CD9: variants seen among roughly 807,000 people sequenced by gnomAD.
The protein encoded by CD9 is CD9 molecule.
In CD9, 10 loss-of-function variants were observed where a neutral mutation model predicts 31.4. The observed-to-expected ratio is 0.32, with a 90% CI of 0.20 to 0.54. CD9 has a LOEUF of 0.54. CD9 is among the 20% of genes least tolerant of loss of function. CD9 has a pLI of 0.94. For synonymous variants in CD9, 113 were observed against 114.1 expected (o/e 0.99, Z 0.06); for missense variants, 259 against 300.1 (o/e 0.86, Z 1.01).
chr12:6,218,511 C>T (rs569693589), intron 1 of CD9, among the ~76,000 whole-genome samples: 1 of 152,340 alleles, frequency 6.6e-6, no homozygotes, highest in South Asian at 2.1e-4. Flanking sequence ...ATCAGGAGGC[C>T]AGGCTGTACA....
At chr12:6,205,041 G>A (rs564076417) in intron 1 of CD9, among the ~76,000 whole-genome samples, 17 of 152,376 alleles carry the variant, frequency 1.1e-4, no homozygotes, top group African/African-American at 3.6e-4. Flanking sequence ...GCAGGGCATG[G>A]ACAAGTTGGG....
chr12:6,236,308 CTGAGGA>C, intron 7 of CD9, 33 bp downstream of exon 7: 1 of 1,584,252 alleles, frequency 6.3e-7, no homozygotes, highest in Non-Finnish European at 8.7e-7. Context: ...AGGAGGGGGA[CTGAGGA>C]GTTCACATTG....
chr12:6,236,306 GA>G, intron 7 of CD9, 31 bp downstream of exon 7: 3 of 1,592,760 alleles, frequency 1.9e-6, no homozygotes, highest in Non-Finnish European at 1.7e-6. Flanking sequence ...CCAGGAGGGG[GA>G]CTGAGGAGTT....
At position 6,232,776 on chromosome 12, in the gene CD9, C is replaced by T. The variant is rs375979181; in HGVS notation, c.273+47C>T. On this transcript the variant is annotated intron_variant, in intron 3 of 7. Coordinates refer to ENST00000009180, the MANE Select transcript of CD9 (RefSeq NM_001769.4). This position sits in a 1 kb window ranked among gnomAD's most constrained non-coding sequence, Gnocchi z 4.8. Reference sequence around the variant, plus strand: ...CCACAGCCACCCTGACTCCCACCAACAAAAACCTCAGCAGGCCCAGACCCA... The same window carrying T: ...CCACAGCCACCCTGACTCCCACCAATAAAAACCTCAGCAGGCCCAGACCCA... 5.5e-6 allele frequency: 7 copies of T among 1,279,694 alleles called. No homozygotes were observed. The highest frequency in any genetic ancestry group is 1.3e-5 in the South Asian group (1 of 78,554). 79.3% of individuals were successfully genotyped at this position (1,279,694 alleles called of 1,614,324 possible). A position where few individuals can be genotyped will look rare whatever the true frequency, so the allele number is the denominator to read the frequency against.
chr12:6,202,620 T>C (rs959106515), intron 1 of CD9, among the ~76,000 whole-genome samples: 1 of 152,126 alleles, frequency 6.6e-6, no homozygotes, highest in Non-Finnish European at 1.5e-5. Flanking sequence ...CACTGGTATC[T>C]ACTCTGTCTG....
chr12:6,202,771 G>A (rs1186630956), intron 1 of CD9, among the ~76,000 whole-genome samples: 5 of 152,200 alleles, frequency 3.3e-5, no homozygotes, highest in Admixed American at 1.3e-4. Flanking sequence ...CACTGGAAAT[G>A]TTTGGAATGA....
intron 4 of CD9, 28 bp from the exon 5 acceptor site, chr12:6,235,201 C>G: frequency 6.8e-7 from 1 of 1,479,852 alleles, no homozygotes; most frequent in Non-Finnish European, 9.4e-7. Flanking sequence ...AATGCCGTCT[C>G]TGCCCCTCTC....
chr12:6,228,877 T>C (rs1310724775), intron 2 of CD9, among the ~76,000 whole-genome samples: 2 of 152,248 alleles, frequency 1.3e-5, no homozygotes, highest in Non-Finnish European at 2.9e-5. Context: ...CAGGCCAGCC[T>C]GACCATGCAG....
chr12:6,222,290 A>G (rs1946301890), intron 1 of CD9, among the ~76,000 whole-genome samples: 1 of 152,192 alleles, frequency 6.6e-6, no homozygotes, highest in South Asian at 2.1e-4. Flanking sequence ...TTCTGTCAGA[A>G]AAGGCAGCAG....
Position 6,229,774 on chromosome 12 carries a change from T to C in CD9, c.176-2858T>C, listed in dbSNP as rs1946419813. Among the ~76,000 whole-genome samples, 5 of 151,038 alleles carry C rather than the reference T, an allele frequency of 3.3e-5. No individual in the cohort carries two copies. The South Asian group carries it at 1.0e-3, about 32-fold the overall frequency. On this transcript the variant is annotated intron_variant, in intron 2 of 7. Coordinates refer to ENST00000009180, the MANE Select transcript of CD9 (RefSeq NM_001769.4). ...GTGAAAAACACTGTTCCATTTCTTG[T>C]GTAAAGGACACGCTGGCATATGCTA...
At position 6,232,679 on chromosome 12, in the gene CD9, T is replaced by C. The variant is rs1290795558; in HGVS notation, c.223T>C (p.Phe75Leu). The C allele has an allele frequency of 7.0e-6, 11 of 1,582,332 alleles. No individual in the cohort carries two copies. Among genetic ancestry groups the C allele is most frequent in the Admixed American group, 1.8e-5 (1 of 56,546 alleles). The change falls in exon 3 of 8, where the codon TTC becomes CTC. Residue 75 changes from phenylalanine (F) to leucine (L), a missense_variant. Physicochemically the swap from Phe to Leu is conservative, Grantham distance 22. Transcript: ENST00000009180. The surrounding 1 kb of genome is among the most constrained non-coding windows in gnomAD (Gnocchi z 4.8). The stretch of plus-strand genomic sequence containing the variant: ...CGGCGCCCTCATGATGCTGGTGGGC[T>C]TCCTGGGCTGCTGCGGGGCTGTGCA... The part of the protein sequence containing the change: ...GAGALMMLVG[F>L]LGCCGAVQES...
chr12:6,228,204 G>T (rs907679573), intron 2 of CD9, among the ~76,000 whole-genome samples: 5 of 152,158 alleles, frequency 3.3e-5, no homozygotes, highest in Non-Finnish European at 7.3e-5. Context: ...CAGAAGCGCC[G>T]GCAAGGGGGA....
intron 1 of CD9, chr12:6,225,190 AC>A: frequency 3.7e-6 from 2 of 545,054 alleles, no homozygotes; most frequent in South Asian, 4.8e-5. Context: ...CCTATAAAAT[AC>A]CCCTTCAGCC....
intron 1 of CD9, among the ~76,000 whole-genome samples, chr12:6,216,720 C>T (rs375211225): frequency 1.3e-4 from 20 of 152,130 alleles, no homozygotes; most frequent in African/African-American, 4.8e-4. Context: ...TTTTCCTCCA[C>T]TACCCAGCGC....
intron 1 of CD9, among the ~76,000 whole-genome samples, chr12:6,209,091 C>T (rs1222894304): frequency 6.6e-6 from 1 of 152,142 alleles, no homozygotes; most frequent in Non-Finnish European, 1.5e-5. Flanking sequence ...GCCTCAGCCT[C>T]CTGAGTAGCT....
At chr12:6,233,756 TCTG>T (rs1371387768) in intron 4 of CD9, among the ~76,000 whole-genome samples, 1 of 152,028 alleles carries the variant, frequency 6.6e-6, no homozygotes, top group Non-Finnish European at 1.5e-5. Flanking sequence ...CGTGTGTCTG[TCTG>T]TCCATCTCAC....
rs528167131 is a variant in CD9, at chr12:6,215,855, C to T, written c.67-9571C>T. 3.9e-5 allele frequency among the ~76,000 whole-genome samples: 6 copies of T among 152,320 alleles called. No individual in the cohort carries two copies. The East Asian group carries it at 5.8e-4, about 15-fold the overall frequency. ...GTTGGGACGCTTAAGGAGAGCAAGT[C>T]GTGGCAATTTCTTCTGCTGATTACA... On this transcript the variant is annotated intron_variant, in intron 1 of 7. Transcript: ENST00000009180.
chr12:6,201,684 A>G (rs7953334), intron 1 of CD9, among the ~76,000 whole-genome samples: 22,758 of 152,296 alleles, frequency 0.15, 2,495 homozygotes, highest in African/African-American at 0.31. Context: ...GAGAGTCTCT[A>G]TGCCACTCTC....
Position 6,228,555 on chromosome 12 carries a change from T to G in CD9, c.175+3021T>G, listed in dbSNP as rs542480261. On this transcript the variant is annotated intron_variant, in intron 2 of 7. Coordinates refer to ENST00000009180, the MANE Select transcript of CD9 (RefSeq NM_001769.4). ...GCCTGGGAGACAGAGCGGGACTCCA[T>G]CTCAAAAAAAAAAAAAAAAAAAAAA... Among the ~76,000 whole-genome samples the G allele has an allele frequency of 1.8e-4, 11 of 62,766 alleles. No individual in the cohort carries two copies. The East Asian group carries it at 4.7e-3, about 27-fold the overall frequency. The allele number at this position is 62,766 out of a possible 152,430, so 41.2% of individuals were successfully genotyped here.
Sources: gnomAD v4.1 joint callset for allele counts (sites outside exome capture counted in the v4.1 genomes callset) on GRCh38, gnomAD v4.1.1 for gene constraint, Gnocchi (gnomAD v3.1) non-coding constraint, MANE v1.5 for transcripts, NCBI Gene and HGNC (gene_info 2026-07-23, HGNC 2026-07-21) for gene names.